HMX1: variants seen among roughly 807,000 people sequenced by gnomAD.
HMX1 encodes H6 family homeobox 1, also known as homeobox protein HMX1.
A neutral mutation model predicts 8.9 loss-of-function variants in HMX1; 8 were observed. The ratio of observed to expected loss-of-function variants is 0.90; its 90% CI spans 0.53 to 1.63. The LOEUF is 1.63. Among genes scored for constraint, HMX1 ranks in the 40% most tolerant of loss-of-function variants. The pLI is 0.00. For synonymous variants in HMX1, 311 were observed against 283.4 expected (o/e 1.10, Z -0.98); for missense variants, 621 against 558.5 (o/e 1.11, Z -1.13).
rs1722184495 is a variant in HMX1, at chr4:8,870,769, C to T, written c.394+452G>A. The stretch of plus-strand genomic sequence containing the variant: ...TCCTCCTCTTTTCTCTCTCGGATCA[C>T]TCTTGGGTTTCTTTTTCCTGCATCT... On this transcript the variant is annotated intron_variant, in intron 1 of 1. Coordinates refer to ENST00000400677, the MANE Select transcript of HMX1 (RefSeq NM_018942.3). The surrounding 1 kb of genome is among the most constrained non-coding windows in gnomAD (Gnocchi z 4.4). Among the ~76,000 whole-genome samples the T allele has an allele frequency of 6.6e-6, 1 of 151,882 alleles. No individual in the cohort carries two copies. The highest frequency in any genetic ancestry group is 1.5e-5 in the Non-Finnish European group (1 of 67,986).
rs139551966 is a variant in HMX1 at position 8,853,959 on chromosome 4, C to A, written c.395-7635G>T. Reference sequence around the variant, plus strand: ...CTTTTTATAAAGCTTTTTGCTTTTGCGTTTACATCTTGAACCAGCCTGAGA... The same window carrying A: ...CTTTTTATAAAGCTTTTTGCTTTTGAGTTTACATCTTGAACCAGCCTGAGA... On this transcript the variant is annotated intron_variant, in intron 1 of 1. Transcript: ENST00000506970. The surrounding 1 kb of genome is among the most constrained non-coding windows in gnomAD (Gnocchi z 4.7). Among the ~76,000 whole-genome samples the A allele has an allele frequency of 6.6e-6, 1 of 152,120 alleles. No individual in the cohort carries two copies. The highest frequency in any genetic ancestry group is 1.9e-4 in the East Asian group (1 of 5,198).
chr4:8,850,659 C>T (rs555401448), intron 1 of HMX1, among the ~76,000 whole-genome samples: 2 of 152,032 alleles, frequency 1.3e-5, no homozygotes, highest in East Asian at 3.9e-4. Flanking sequence ...TTCACACCAT[C>T]CCTTCAGTTC....
chr4:8,863,320 A>G (rs950413558), downstream of HMX1, among the ~76,000 whole-genome samples: 6 of 152,202 alleles, frequency 3.9e-5, no homozygotes, highest in African/African-American at 1.4e-4. Flanking sequence ...GAAGGCCACG[A>G]AAGACTCTTG....
Position 8,868,104 on chromosome 4 carries a change from G to A in HMX1, c.636C>T (p.Arg212=). 6.6e-7 allele frequency: 1 copy of A among 1,514,502 alleles called. No individual in the cohort carries two copies. Among genetic ancestry groups the A allele is most frequent in the Non-Finnish European group, 8.8e-7 (1 of 1,133,608 alleles). The allele number at this position is 1,514,502 out of a possible 1,614,324, so 93.8% of individuals were successfully genotyped here. Residue 212 remains arginine, a synonymous_variant, in exon 2 of 2, where the codon CGC becomes CGT. Coordinates refer to ENST00000400677, the MANE Select transcript of HMX1 (RefSeq NM_018942.3). This position sits in a 1 kb window ranked among gnomAD's most constrained non-coding sequence, Gnocchi z 4.6. ...TGGATTCCAGCTGGAAGACCTGGCT[G>A]CGGGAGAAGACTGTGCGCGTCTTCT... ...RKKKTRTVFS[R]SQVFQLESTF... is the part of the protein sequence containing the mutation.
intron 1 of HMX1, among the ~76,000 whole-genome samples, chr4:8,861,724 G>A (rs148326205): frequency 0.011 from 1,735 of 152,322 alleles, 12 homozygotes; most frequent in Non-Finnish European, 0.016. Flanking sequence ...CGTTCCAGGG[G>A]CCTCTGCGCC....
rs1722057616 is a variant in HMX1, at chr4:8,867,810, C to T, written c.930G>A (p.Ala310=). 1.8e-5 allele frequency: 22 copies of T among 1,226,150 alleles called. No individual in the cohort carries two copies. The highest frequency in any genetic ancestry group is 2.2e-5 in the Non-Finnish European group (22 of 986,724). The allele number at this position is 1,226,150 out of a possible 1,614,324, so 76.0% of individuals were successfully genotyped here. ...CGAGCAGCGGTGGGGGCGGCGCGGG[C>T]GCGGCGGGCGCCAGCGGGAAGGGCA... The part of the protein sequence containing the change: ...ATLPFPLAPA[A]PAPPPPLLGF... The change falls in exon 2 of 2, where the codon GCG becomes GCA. Residue 310 remains alanine, a synonymous_variant. Transcript: ENST00000400677.
At chr4:8,857,135 T>C (rs567454375) in intron 1 of HMX1, among the ~76,000 whole-genome samples, 65 of 152,358 alleles carry the variant, frequency 4.3e-4, no homozygotes, top group Admixed American at 4.0e-3. Flanking sequence ...GGATGCCTTT[T>C]GTTTTCAGTG....
chr4:8,859,915 G>A (rs1721739767), intron 1 of HMX1, among the ~76,000 whole-genome samples: 1 of 152,244 alleles, frequency 6.6e-6, no homozygotes, highest in South Asian at 2.1e-4. Flanking sequence ...CCGGATCTGT[G>A]TCCACCTCTG....
At chr4:8,864,963 G>A (rs1394632708), downstream of HMX1, among the ~76,000 whole-genome samples, 3 of 151,506 alleles carry the variant, frequency 2.0e-5, no homozygotes, top group Non-Finnish European at 4.4e-5. Flanking sequence ...TGTAGACCCT[G>A]CACCCTCTGA....
intron 1 of HMX1, among the ~76,000 whole-genome samples, chr4:8,852,113 G>T (rs1721467476): frequency 6.6e-6 from 1 of 152,248 alleles, no homozygotes; most frequent in East Asian, 1.9e-4. Flanking sequence ...GGGGCTGTGG[G>T]CAAGGAGAGC....
Position 8,871,393 on chromosome 4 carries a change from G to T in HMX1, c.222C>A (p.Gly74=). The change falls in exon 1 of 2, where the codon GGC becomes GGA. Residue 74 remains glycine, a synonymous_variant. Transcript: ENST00000400677. The surrounding 1 kb of genome is among the most constrained non-coding windows in gnomAD (Gnocchi z 4.8). Reference sequence around the variant, plus strand: ...CCCGCGCCTCCCCGCCGGGCCCGGTGCCCGCGAGCAACTGTCGCCGCCGCT... The same window carrying T: ...CCCGCGCCTCCCCGCCGGGCCCGGTTCCCGCGAGCAACTGTCGCCGCCGCT... ...RLQRRRQLLA[G]TGPGGEARAR... is the part of the protein sequence containing the mutation. 1 of 1,250,836 alleles carries T rather than the reference G, an allele frequency of 8.0e-7. No homozygotes were observed. The highest frequency in any genetic ancestry group is 1.0e-6 in the Non-Finnish European group (1 of 994,570). 77.5% of individuals were successfully genotyped at this position (1,250,836 alleles called of 1,614,324 possible).
At chr4:8,860,715 G>T (rs10046919) in intron 1 of HMX1, 1 of 152,292 alleles carries the variant, frequency 6.6e-6, no homozygotes, top group Non-Finnish European at 1.5e-5. Flanking sequence ...AGAAGCCTAA[G>T]GAGGCCCGGG....
At chr4:8,857,082 A>G (rs547791930) in intron 1 of HMX1, among the ~76,000 whole-genome samples, 1 of 152,350 alleles carries the variant, frequency 6.6e-6, no homozygotes, top group South Asian at 2.1e-4. Context: ...GACCATCTCA[A>G]TAACAAACCG....
intron 1 of HMX1, among the ~76,000 whole-genome samples, chr4:8,857,752 C>T (rs1230605327): frequency 1.3e-5 from 2 of 152,136 alleles, no homozygotes; most frequent in Non-Finnish European, 2.9e-5. Flanking sequence ...GTGCATTTTA[C>T]GCGACAGGGG....
chr4:8,859,264 T>C (rs1721716913), intron 1 of HMX1, among the ~76,000 whole-genome samples: 1 of 151,562 alleles, frequency 6.6e-6, no homozygotes, highest in African/African-American at 2.4e-5. Flanking sequence ...GATTCTTGTC[T>C]ATATAAACAG....
chr4:8,852,459 C>T (rs1721482997), intron 1 of HMX1, among the ~76,000 whole-genome samples: 1 of 152,212 alleles, frequency 6.6e-6, no homozygotes, highest in African/African-American at 2.4e-5. Flanking sequence ...AGCCAGGAAA[C>T]AGGGGGCTGA....
downstream of HMX1, among the ~76,000 whole-genome samples, chr4:8,863,833 C>T (rs1721908452): frequency 6.6e-6 from 1 of 152,258 alleles, no homozygotes; most frequent in Non-Finnish European, 1.5e-5. Context: ...GCTCCGATCC[C>T]TGTGGAATTT....
At chr4:8,855,282 A>G (rs1054200530) in intron 1 of HMX1, among the ~76,000 whole-genome samples, 1 of 152,216 alleles carries the variant, frequency 6.6e-6, no homozygotes, top group African/African-American at 2.4e-5. Flanking sequence ...TGCGGTGAGG[A>G]TGAAGCTGCT....
intron 1 of HMX1, among the ~76,000 whole-genome samples, chr4:8,861,356 CGCTTCCCGCGGCCTGTGCCGA>C (rs1050980474): frequency 6.6e-6 from 1 of 152,194 alleles, no homozygotes; most frequent in African/African-American, 2.4e-5. Context: ...CCGGAGGCCG[CGCTTCCCGCGGCCTGTGCCGA>C]GGAGCCTCTC....
Sources: allele counts gnomAD v4.1 joint callset (sites outside exome capture counted in the v4.1 genomes callset), GRCh38; gene constraint gnomAD v4.1.1; non-coding constraint Gnocchi (gnomAD v3.1); transcripts MANE v1.5; gene names NCBI Gene and HGNC (gene_info 2026-07-23, HGNC 2026-07-21).